The following BCL7B variants were observed in gnomAD, a reference collection of about 807,000 sequenced individuals.
BCL7B encodes the protein B-cell CLL/lymphoma 7 protein family member B.
In BCL7B, 11 loss-of-function variants were observed where a neutral mutation model predicts 26.5. The observed-to-expected ratio is 0.42, with a 90% CI of 0.26 to 0.69. The LOEUF (loss-of-function observed/expected upper bound fraction) is 0.69. Among genes scored for constraint, BCL7B ranks in the 30% least tolerant of loss-of-function variants. The pLI, the probability that BCL7B is intolerant of heterozygous loss-of-function variation, is 0.28. For synonymous variants in BCL7B, 111 were observed against 107.9 expected, an observed-to-expected ratio of 1.03 and a Z score of -0.18; for missense variants, 215 against 264.4, an observed-to-expected ratio of 0.81 and a Z score of 1.30.
At chr7:73,557,263 G>C (rs1393493432) in intron 1 of BCL7B, 1 of 1,123,018 alleles carries the variant, frequency 8.9e-7, no homozygotes, top group African/African-American at 1.6e-5. Flanking sequence ...CGCGGCAGCA[G>C]CCGCAGCAGG....
intron 2 of BCL7B, among the ~76,000 whole-genome samples, chr7:73,545,662 C>A (rs530458795): frequency 1.3e-5 from 2 of 152,306 alleles, no homozygotes; most frequent in Admixed American, 1.3e-4. Context: ...CAGAACCACG[C>A]CCCATCAACT....
Position 73,537,153 on chromosome 7 carries a change from G to T in BCL7B, c.*145C>A. 1.5e-6 allele frequency: 1 copy of T among 689,276 alleles called. No individual in the cohort carries two copies. The highest frequency in any genetic ancestry group is 2.5e-6 in the Non-Finnish European group (1 of 400,666). 42.7% of individuals were successfully genotyped at this position (689,276 alleles called of 1,614,324 possible). Reference sequence around the variant, plus strand: ...CAGGAAGATGATGCTACAGCCCCAAGTCCTACGCCAGCCTTCCAGCCCGGA... The same window carrying T: ...CAGGAAGATGATGCTACAGCCCCAATTCCTACGCCAGCCTTCCAGCCCGGA... On this transcript the variant is annotated 3_prime_UTR_variant, in exon 6 of 6. Transcript: ENST00000223368.
intron 1 of BCL7B, chr7:73,557,063 C>G (rs76148857): frequency 2.2e-5 from 22 of 988,066 alleles, no homozygotes; most frequent in Middle Eastern, 5.1e-4. Flanking sequence ...CCTGAATACG[C>G]AGAGCGCTCA....
chr7:73,554,481 T>C (rs1209058668), intron 1 of BCL7B, among the ~76,000 whole-genome samples: 3 of 151,306 alleles, frequency 2.0e-5, no homozygotes, highest in Admixed American at 6.6e-5. Context: ...GCTGTTGTAG[T>C]TGTTGATGCT....
intron 2 of BCL7B, among the ~76,000 whole-genome samples, chr7:73,551,517 T>TTGA (rs1554584151): frequency 2.0e-5 from 3 of 152,034 alleles, no homozygotes; most frequent in Non-Finnish European, 2.9e-5. Context: ...TTGGCCAGGC[T>TTGA]GGTCTCGAAC....
intron 2 of BCL7B, among the ~76,000 whole-genome samples, chr7:73,546,759 T>A (rs1483517477): frequency 6.6e-6 from 1 of 151,944 alleles, no homozygotes; most frequent in Non-Finnish European, 1.5e-5. Context: ...GTGAATGAGG[T>A]TAATTGAAAT....
rs1354255452 is a variant in BCL7B at position 73,538,298 on chromosome 7, T to C, written c.437-285A>G. ...CTAGCCCAAACATCACAACTCTAAC[T>C]CAATCTCCCAGTTTTCTGAGAGTTG... On this transcript the variant is annotated intron_variant, in intron 4 of 5. Transcript: ENST00000223368. The C allele has an allele frequency of 9.9e-6, 3 of 302,326 alleles. No individual in the cohort carries two copies. The Admixed American group carries it at 1.5e-4, about 15-fold the overall frequency. The allele number at this position is 302,326 out of a possible 1,614,324, so 18.7% of individuals were successfully genotyped here. A position where few individuals can be genotyped will look rare whatever the true frequency, so the allele number is the denominator to read the frequency against.
chr7:73,537,920 A>G lies in BCL7B; in HGVS notation c.516+14T>C, dbSNP rs781830027. On this transcript the variant is annotated intron_variant, in intron 5 of 5. Transcript: ENST00000223368. ...AAAAAACAAAAAACTGGAAAACTCA[A>G]AGTGATTGCTTACCTGTGTCTCTAG... The G allele has an allele frequency of 1.3e-6, 2 of 1,565,506 alleles. No homozygotes were observed. The highest frequency in any genetic ancestry group is 1.7e-6 in the Non-Finnish European group (2 of 1,158,586).
At chr7:73,552,593 AC>A (rs1199107185) in intron 1 of BCL7B, among the ~76,000 whole-genome samples, 3 of 151,996 alleles carry the variant, frequency 2.0e-5, no homozygotes, top group African/African-American at 7.3e-5. Context: ...ATCCCGGCCA[AC>A]ATGGTGAAAC....
At chr7:73,547,243 G>A (rs1201376020) in intron 2 of BCL7B, among the ~76,000 whole-genome samples, 2 of 151,696 alleles carry the variant, frequency 1.3e-5, no homozygotes, top group Non-Finnish European at 2.9e-5. Flanking sequence ...CAGAAGGATC[G>A]CTTGAGCCCA....
intron 3 of BCL7B, 81 bp downstream of exon 3, chr7:73,543,467 T>G: frequency 7.5e-7 from 1 of 1,340,544 alleles, no homozygotes; most frequent in Middle Eastern, 1.8e-4. Flanking sequence ...TGTGAGTCAC[T>G]GCACCTGGCC....
chr7:73,541,445 G>T (rs1382861264), intron 3 of BCL7B, among the ~76,000 whole-genome samples: 1 of 151,566 alleles, frequency 6.6e-6, no homozygotes, highest in Non-Finnish European at 1.5e-5. Context: ...CTGCCTAAGG[G>T]AGAAATGTCA....
intron 2 of BCL7B, among the ~76,000 whole-genome samples, chr7:73,545,115 A>C (rs1326468478): frequency 2.6e-5 from 4 of 152,142 alleles, no homozygotes; most frequent in African/African-American, 9.7e-5. Flanking sequence ...AAAAGCCAAA[A>C]GTTTAAATCT....
chr7:73,556,180 A>G (rs1363996834), intron 1 of BCL7B, among the ~76,000 whole-genome samples: 1 of 152,204 alleles, frequency 6.6e-6, no homozygotes, highest in Admixed American at 6.5e-5. Flanking sequence ...AAACCCAACT[A>G]TATATGAAGC....
intron 2 of BCL7B, among the ~76,000 whole-genome samples, chr7:73,547,719 A>G (rs1554583609): frequency 6.6e-6 from 1 of 152,224 alleles, no homozygotes; most frequent in East Asian, 1.9e-4. Context: ...AAGTGAAACA[A>G]AGATATTTTC....
chr7:73,548,168 GCCTGTAAT>G (rs1792024283), intron 2 of BCL7B, among the ~76,000 whole-genome samples: 1 of 151,912 alleles, frequency 6.6e-6, no homozygotes, highest in South Asian at 2.1e-4. Flanking sequence ...AGTGGCTCAC[GCCTGTAAT>G]CCCAGCACTT....
At chr7:73,537,861 A>G (rs1263842474) in intron 5 of BCL7B, 73 bp downstream of exon 5, 5 of 1,115,548 alleles carry the variant, frequency 4.5e-6, no homozygotes, top group Non-Finnish European at 6.5e-6. Context: ...ACTGCACTCT[A>G]GTCTGGGCAA....
chr7:73,538,815 TAAAAAAAA>T (rs1159395373), intron 4 of BCL7B, among the ~76,000 whole-genome samples: 21 of 94,564 alleles, frequency 2.2e-4, no homozygotes, highest in South Asian at 3.4e-4. Flanking sequence ...CCTATCTCTT[TAAAAAAAA>T]AAAAAAAAAA....
chr7:73,538,815 TAAAAAA>T (rs1159395373), intron 4 of BCL7B, among the ~76,000 whole-genome samples: 4 of 94,564 alleles, frequency 4.2e-5, no homozygotes, highest in Non-Finnish European at 6.5e-5. Flanking sequence ...CCTATCTCTT[TAAAAAA>T]AAAAAAAAAA....
Sources: gnomAD v4.1 joint callset for allele counts (sites outside exome capture counted in the v4.1 genomes callset) on GRCh38, gnomAD v4.1.1 for gene constraint, MANE v1.5 for transcripts, NCBI Gene and HGNC (gene_info 2026-07-23, HGNC 2026-07-21) for gene names.